CFL1: variants seen among roughly 807,000 people sequenced by gnomAD.
The protein encoded by CFL1 is cofilin 1, also known as cofilin-1.
A neutral mutation model predicts 16.3 loss-of-function variants in CFL1; 2 were observed. The observed-to-expected ratio is 0.12, with a 90% confidence interval of 0.05 to 0.39. CFL1 has a LOEUF of 0.39. CFL1 is among the 10% of genes least tolerant of loss of function. CFL1 has a pLI of 0.99. For synonymous variants in CFL1, 111 were observed against 84.4 expected, an observed-to-expected ratio of 1.31 and a Z score of -1.73; for missense variants, 75 against 212.2, an observed-to-expected ratio of 0.35 and a Z score of 4.02.
chr11:65,858,005 G>A (rs1247617445), intron 1 of CFL1, 92 bp downstream of exon 1: 1 of 1,346,210 alleles, frequency 7.4e-7, no homozygotes, highest in Non-Finnish European at 1.0e-6. Flanking sequence ...GGCGCTGGGG[G>A]AGGGGGTGCG....
chr11:65,857,376 A>G (rs1431664374), intron 1 of CFL1: 2 of 418,446 alleles, frequency 4.8e-6, no homozygotes, highest in East Asian at 8.4e-5. Context: ...GCCGGGCCTG[A>G]GCGTGCGCGC....
Position 65,855,238 on chromosome 11 carries a change from C to T in CFL1, c.*98G>A. On this transcript the variant is annotated 3_prime_UTR_variant, in exon 4 of 4. Transcript: ENST00000308162. ...GGATTGCCCTCCCCCTGCTGGGATC[C>T]CCCCAGCCCCTCCGGTCTGGCAGGA... 2.0e-6 allele frequency: 2 copies of T among 977,608 alleles called. No homozygotes were observed. Among genetic ancestry groups the T allele is most frequent in the Non-Finnish European group, 3.2e-6 (2 of 625,790 alleles). 60.6% of individuals were successfully genotyped at this position (977,608 alleles called of 1,614,324 possible). A position where few individuals can be genotyped will look rare whatever the true frequency, so the allele number is the denominator to read the frequency against.
chr11:65,857,016 A>C (rs1223256110), intron 1 of CFL1: 1 of 155,008 alleles, frequency 6.5e-6, no homozygotes, highest in Non-Finnish European at 1.5e-5. Flanking sequence ...CCGGAACTGC[A>C]GAAGAAGCCG....
chr11:65,857,873 G>C, intron 1 of CFL1: 1 of 332,462 alleles, frequency 3.0e-6, no homozygotes. Context: ...ACCAGCGGGT[G>C]GGGGAGGGGA....
In CFL1 at chr11:65,856,204, C is replaced by T; in HGVS notation, c.42G>A (p.Val14=). The part of the protein sequence containing the change: ...GVAVSDGVIK[V]FNDMKVRKSS... The stretch of plus-strand genomic sequence containing the variant: ...ACTTACGCACCTTCATGTCGTTGAA[C>T]ACCTTGATGACACCATCAGAGACAG... Residue 14 remains valine (V), a synonymous_variant, in exon 2 of 4, where the codon GTG becomes GTA. Coordinates refer to ENST00000308162, the MANE Select transcript of CFL1 (RefSeq NM_005507.3). 1 of 1,614,156 alleles carries T rather than the reference C, an allele frequency of 6.2e-7. No homozygotes were observed. The highest frequency in any genetic ancestry group is 8.5e-7 in the Non-Finnish European group (1 of 1,180,012).
At chr11:65,857,492 C>G (rs554438181) in intron 1 of CFL1, 93 of 384,548 alleles carry the variant, frequency 2.4e-4, no homozygotes, top group African/African-American at 1.6e-3. Flanking sequence ...GATGCCCCCT[C>G]CAAGCCTTGC....
At position 65,854,967 on chromosome 11, in the gene CFL1, C is replaced by T; in HGVS notation, c.*369G>A. ...TTATACACAGAACTAAACAGACAAG[C>T]ACAGAGTCACTATTGCGGTTAGAAG... On this transcript the variant is annotated 3_prime_UTR_variant, in exon 4 of 4. Coordinates refer to ENST00000308162, the MANE Select transcript of CFL1 (RefSeq NM_005507.3). 1 of 281,764 alleles carries T rather than the reference C, an allele frequency of 3.5e-6. No homozygotes were observed. Among genetic ancestry groups the T allele is most frequent in the Non-Finnish European group, 7.1e-6 (1 of 141,310 alleles). 17.5% of individuals were successfully genotyped at this position (281,764 alleles called of 1,614,324 possible). A position where few individuals can be genotyped will look rare whatever the true frequency, so the allele number is the denominator to read the frequency against.
In CFL1 at chr11:65,858,151, G is replaced by T. The variant is rs1040344295; in HGVS notation, c.-52C>A. The T allele has an allele frequency of 1.3e-6, 2 of 1,512,044 alleles. No individual in the cohort carries two copies. Among genetic ancestry groups the T allele is most frequent in the Non-Finnish European group, 1.8e-6 (2 of 1,129,184 alleles). 93.7% of individuals were successfully genotyped at this position (1,512,044 alleles called of 1,614,324 possible). A position where few individuals can be genotyped will look rare whatever the true frequency, so the allele number is the denominator to read the frequency against. ...ACCGAGAGCCGCAGAAGACGAGAGCGCTGCAGCCGCTGCCGGGACCCGACT... is the reference window on the plus strand; with the variant it reads ...ACCGAGAGCCGCAGAAGACGAGAGCTCTGCAGCCGCTGCCGGGACCCGACT... On this transcript the variant is annotated 5_prime_UTR_variant, in exon 1 of 4. Transcript: ENST00000308162.
chr11:65,857,290 C>G, intron 1 of CFL1: 2 of 292,262 alleles, frequency 6.8e-6, no homozygotes, highest in South Asian at 4.6e-5. Flanking sequence ...GCCTGGGTCA[C>G]TTCCCTAAAC....
chr11:65,856,671 A>T (rs1157798659), intron 1 of CFL1: 1 of 214,396 alleles, frequency 4.7e-6, no homozygotes, highest in Non-Finnish European at 9.6e-6. Flanking sequence ...CCAAGACCCC[A>T]CAATGCTAGA....
chr11:65,858,114 A>T lies in CFL1; in HGVS notation c.-15T>A. Reference sequence around the variant, plus strand: ...CCGCTCACCATGTTTCCGGAAACGAAAAGGAGAGGGCACCGAGAGCCGCAG... The same window carrying T: ...CCGCTCACCATGTTTCCGGAAACGATAAGGAGAGGGCACCGAGAGCCGCAG... On this transcript the variant is annotated 5_prime_UTR_variant, in exon 1 of 4. Transcript: ENST00000308162. The T allele has an allele frequency of 6.5e-7, 1 of 1,531,186 alleles. No homozygotes were observed. Among genetic ancestry groups the T allele is most frequent in the Non-Finnish European group, 8.8e-7 (1 of 1,139,428 alleles). 94.8% of individuals were successfully genotyped at this position (1,531,186 alleles called of 1,614,324 possible). A position where few individuals can be genotyped will look rare whatever the true frequency, so the allele number is the denominator to read the frequency against.
Position 65,856,171 on chromosome 11 carries a change from C to T in CFL1, c.75G>A (p.Thr25=), listed in dbSNP as rs766406826. Residue 25 remains threonine, a synonymous_variant, in exon 2 of 4, where the codon ACG becomes ACA. Coordinates refer to ENST00000308162, the MANE Select transcript of CFL1 (RefSeq NM_005507.3). ...TCTTGCGCTTCTTCACCTCCTCTGG[C>T]GTTGAAGACTTACGCACCTTCATGT... The part of the protein sequence containing the change: ...FNDMKVRKSS[T]PEEVKKRKKA... The T allele has an allele frequency of 2.8e-5, 45 of 1,614,050 alleles. No individual in the cohort carries two copies. Among genetic ancestry groups the T allele is most frequent in the African/African-American group, 5.3e-5 (4 of 74,912 alleles).
chr11:65,857,320 G>T, intron 1 of CFL1: 1 of 343,050 alleles, frequency 2.9e-6, no homozygotes, highest in Non-Finnish European at 6.0e-6. Flanking sequence ...CCCTCACTCA[G>T]GCCCATCCGG....
chr11:65,856,499 G>C, intron 1 of CFL1: 1 of 457,962 alleles, frequency 2.2e-6, no homozygotes, highest in Non-Finnish European at 4.0e-6. Flanking sequence ...GTGAAAAGCA[G>C]AACCTTGACC....
In CFL1 at chr11:65,856,511, A is replaced by ATTT. The variant is rs1400890726; in HGVS notation, c.4-270_4-269insAAA. On this transcript the variant is annotated intron_variant, in intron 1 of 3. Transcript: ENST00000308162. ...CTCGTGAAAAGCAGAACCTTGACCA[A>ATTT]AATGTGAACCCAGAATTAAAAGATC... is the stretch of plus-strand genomic sequence containing the variant. 1.9e-4 allele frequency: 79 copies of ATTT among 419,110 alleles called. 2 individuals are homozygous for ATTT. In the South Asian group the frequency reaches 2.2e-3, roughly 12 times the overall value. 26.0% of individuals were successfully genotyped at this position (419,110 alleles called of 1,614,324 possible). A position where few individuals can be genotyped will look rare whatever the true frequency, so the allele number is the denominator to read the frequency against.
At chr11:65,857,372 C>A (rs886772384) in intron 1 of CFL1, 32 of 416,026 alleles carry the variant, frequency 7.7e-5, no homozygotes, top group African/African-American at 6.7e-4. Flanking sequence ...GGCGGCCGGG[C>A]CTGAGCGTGC....
intron 1 of CFL1, chr11:65,856,599 G>T (rs562702529): frequency 1.8e-4 from 47 of 260,606 alleles, no homozygotes; most frequent in Middle Eastern, 1.4e-3. Context: ...TAAAACTGGT[G>T]ATTTAGAACT....
At chr11:65,856,303 T>A (rs941117306) in intron 1 of CFL1, 61 bp from the exon 2 acceptor site, 7 of 1,517,140 alleles carry the variant, frequency 4.6e-6, no homozygotes, top group African/African-American at 1.4e-5. Context: ...CCTTGTTTTT[T>A]CAGAAGATCT....
chr11:65,857,142 C>T (rs1293155905), intron 1 of CFL1: 1 of 171,010 alleles, frequency 5.8e-6, no homozygotes, highest in Non-Finnish European at 1.3e-5. Flanking sequence ...AGGTCCCTAA[C>T]CCTGTGGAAT....
Sources: allele counts gnomAD v4.1 joint callset, GRCh38; gene constraint gnomAD v4.1.1; transcripts MANE v1.5; gene names NCBI Gene and HGNC (gene_info 2026-07-23, HGNC 2026-07-21).